Variants in VWF observed in about 807,000 individuals in gnomAD.
VWF encodes the protein von Willebrand factor.
Under a neutral mutation model 308.6 loss-of-function variants are expected in VWF, and 176 were observed. The ratio of observed to expected loss-of-function variants is 0.57; its 90% CI spans 0.50 to 0.65. VWF has a LOEUF of 0.65. Among genes scored for constraint, VWF ranks in the 30% least tolerant of loss-of-function variants. The pLI is 0.00. For missense variants in VWF, 3,146 were observed against 3,648.2 expected (o/e 0.86, Z 3.55); for synonymous variants, 1,385 against 1,443.4 (o/e 0.96, Z 0.92).
At position 6,058,103 on chromosome 12, in the gene VWF, T is replaced by C. The variant is rs1944610788; in HGVS notation, c.1534-59A>G. 1.9e-6 allele frequency: 3 copies of C among 1,587,860 alleles called. No individual in the cohort carries two copies. Among genetic ancestry groups the C allele is most frequent in the African/African-American group, 2.7e-5 (2 of 73,536 alleles). On this transcript the variant is annotated intron_variant, in intron 13 of 51. Coordinates refer to ENST00000261405, the MANE Select transcript of VWF (RefSeq NM_000552.5). The surrounding 1 kb of genome is among the most constrained non-coding windows in gnomAD (Gnocchi z 4.9). ...GCCGCGAAAGCAGCGGCATAGTTGT[T>C]TAGCTAATGAGATGGTTTTAATAAA...
Position 5,985,128 on chromosome 12 carries a change from GAGGAACGGCCACAA to G in VWF, c.6902-23_6902-10del. 1 of 1,614,154 alleles carries G rather than the reference GAGGAACGGCCACAA, an allele frequency of 6.2e-7. No individual in the cohort carries two copies. The highest frequency in any genetic ancestry group is 8.5e-7 in the Non-Finnish European group (1 of 1,179,964). On this transcript the variant is annotated splice_polypyrimidine_tract_variant and intron_variant, in intron 39 of 51. Transcript: ENST00000261405. ...CAGGCCACACGTGGGAGCTAGAGGA[GAGGAACGGCCACAA>G]AAGTCAGAGAAATTAGTGGTGGGAC...
At chr12:6,107,386 A>T (rs910188495) in intron 5 of VWF, among the ~76,000 whole-genome samples, 17 of 152,242 alleles carry the variant, frequency 1.1e-4, no homozygotes, top group Non-Finnish European at 1.5e-5. Flanking sequence ...TGTATGTGAA[A>T]GGGTGAATTT....
intron 21 of VWF, 122 bp from the exon 22 acceptor site, chr12:6,029,610 C>T (rs1053488345): frequency 1.5e-6 from 2 of 1,306,790 alleles, no homozygotes; most frequent in Non-Finnish European, 2.1e-6. Context: ...ACTGCCACCC[C>T]TCCAGGACCC....
intron 10 of VWF, among the ~76,000 whole-genome samples, chr12:6,068,689 C>T (rs1243358630): frequency 6.6e-6 from 1 of 152,002 alleles, no homozygotes; most frequent in East Asian, 1.9e-4. Context: ...CAGGGTTTCA[C>T]CATTGGCCAG....
At chr12:6,017,001 T>G (rs1591861070) in intron 28 of VWF, 131 bp from the exon 29 acceptor site, 2 of 964,652 alleles carry the variant, frequency 2.1e-6, no homozygotes, top group Admixed American at 1.7e-5. Context: ...GGGCGGGGGG[T>G]GCCTTCGTGA....
At chr12:5,951,284 G>A (rs1445054783) in intron 50 of VWF, among the ~76,000 whole-genome samples, 1 of 152,138 alleles carries the variant, frequency 6.6e-6, no homozygotes, top group African/African-American at 2.4e-5. Flanking sequence ...ATAACTACGA[G>A]GTAAAGAGGA....
intron 4 of VWF, 46 bp downstream of exon 4, chr12:6,110,820 C>T: frequency 6.3e-7 from 1 of 1,584,850 alleles, no homozygotes; most frequent in Non-Finnish European, 8.7e-7. Flanking sequence ...GGGGTTGTGT[C>T]AGGGGATCCC....
Position 6,081,972 on chromosome 12 carries a change from T to TG in VWF, c.658-6422dup, listed in dbSNP as rs532698807. Among the ~76,000 whole-genome samples, 42 of 151,522 alleles carry TG rather than the reference T, an allele frequency of 2.8e-4. 1 individual carries two copies. In the South Asian group the frequency reaches 8.3e-3, roughly 30 times the overall value. On this transcript the variant is annotated intron_variant, in intron 6 of 51. Coordinates refer to ENST00000261405, the MANE Select transcript of VWF (RefSeq NM_000552.5). Reference sequence around the variant, plus strand: ...TCGTTCTTTTTATTTAAAAATATGGTGTTTTTTTTTTTGAAACGCAGTCTC... The same window carrying TG: ...TCGTTCTTTTTATTTAAAAATATGGTGGTTTTTTTTTTTGAAACGCAGTCTC...
At chr12:5,989,259 T>A (rs777485306) in intron 38 of VWF, among the ~76,000 whole-genome samples, 1 of 152,214 alleles carries the variant, frequency 6.6e-6, no homozygotes, top group Non-Finnish European at 1.5e-5. Context: ...ACAAGAGCTA[T>A]GAAAACTAGT....
rs216297 is a variant in VWF, at chr12:6,046,052, G to A, written c.2281+671C>T. 0.89 allele frequency among the ~76,000 whole-genome samples: 134,931 copies of A among 151,876 alleles called. 60,026 individuals carry two copies. The highest frequency in any genetic ancestry group is 0.93 in the Middle Eastern group (271 of 292). On this transcript the variant is annotated intron_variant, in intron 17 of 51. Coordinates refer to ENST00000261405, the MANE Select transcript of VWF (RefSeq NM_000552.5). This position sits in a 1 kb window ranked among gnomAD's most constrained non-coding sequence, Gnocchi z 5.0. Reference sequence around the variant, plus strand: ...AGCCTGGCCAACATGGCAAAACCCCGTCTCTACTAAAAATACAAAAAATTA... The same window carrying A: ...AGCCTGGCCAACATGGCAAAACCCCATCTCTACTAAAAATACAAAAAATTA...
At chr12:6,042,430 T>C (rs1273005905) in intron 18 of VWF, among the ~76,000 whole-genome samples, 1 of 152,198 alleles carries the variant, frequency 6.6e-6, no homozygotes, top group East Asian at 1.9e-4. Flanking sequence ...CTTTGTGTTA[T>C]GGCCAAGAAC....
intron 16 of VWF, among the ~76,000 whole-genome samples, chr12:6,051,683 C>A (rs1944515289): frequency 6.6e-6 from 1 of 152,212 alleles, no homozygotes; most frequent in African/African-American, 2.4e-5. Flanking sequence ...GATCACAGTT[C>A]ACTGCAGCCT....
intron 49 of VWF, chr12:5,952,133 T>C: frequency 1.6e-6 from 1 of 642,632 alleles, no homozygotes; most frequent in Non-Finnish European, 2.7e-6. Flanking sequence ...AGACTAAAAA[T>C]CAGTTTGATC....
At chr12:5,966,909 C>G (rs1943410502) in intron 47 of VWF, among the ~76,000 whole-genome samples, 1 of 152,234 alleles carries the variant, frequency 6.6e-6, no homozygotes, top group Non-Finnish European at 1.5e-5. Context: ...CAGCTGAAAC[C>G]CACGGAATGC....
At chr12:5,998,053 T>G (rs935141708) in intron 34 of VWF, among the ~76,000 whole-genome samples, 2 of 152,176 alleles carry the variant, frequency 1.3e-5, no homozygotes, top group Non-Finnish European at 2.9e-5. Flanking sequence ...CAAGTGACAA[T>G]ACAAATATTT....
chr12:5,975,356 A>T (rs1245324588), intron 43 of VWF, among the ~76,000 whole-genome samples: 1 of 152,230 alleles, frequency 6.6e-6, no homozygotes, highest in African/African-American at 2.4e-5. Context: ...ATAATGTAGT[A>T]ATAATAATCG....
At chr12:5,987,204 A>T (rs1172672308) in intron 38 of VWF, among the ~76,000 whole-genome samples, 1 of 152,226 alleles carries the variant, frequency 6.6e-6, no homozygotes, top group Non-Finnish European at 1.5e-5. Context: ...CTGGGATTAC[A>T]GGTGTGAGCC....
At chr12:6,083,472 G>A (rs1944936768) in intron 6 of VWF, among the ~76,000 whole-genome samples, 1 of 152,226 alleles carries the variant, frequency 6.6e-6, no homozygotes, top group South Asian at 2.1e-4. Flanking sequence ...GGCTGAGGTG[G>A]GAGGATCACT....
At chr12:5,964,254 A>ACATACATACATG (rs1943366525) in intron 47 of VWF, among the ~76,000 whole-genome samples, 4 of 129,918 alleles carry the variant, frequency 3.1e-5, no homozygotes, top group African/African-American at 1.2e-4. Context: ...ATACATGCAT[A>ACATACATACATG]CATACATACA....
Sources: allele counts gnomAD v4.1 joint callset (sites outside exome capture counted in the v4.1 genomes callset), GRCh38; gene constraint gnomAD v4.1.1; non-coding constraint Gnocchi (gnomAD v3.1); transcripts MANE v1.5; gene names NCBI Gene and HGNC (gene_info 2026-07-23, HGNC 2026-07-21).